Variants in CSMD1 observed in about 807,000 individuals in gnomAD.
CSMD1 encodes CUB and Sushi multiple domains 1.
Under a neutral mutation model 417.5 loss-of-function variants are expected in CSMD1, and 213 were observed. The observed-to-expected ratio is 0.51, with a 90% confidence interval of 0.46 to 0.57. The LOEUF is 0.57. CSMD1 is among the 20% of genes least tolerant of loss of function. The pLI is 0.00. For missense variants in CSMD1, 6,923 were observed against 4,529.7 expected (o/e 1.53, Z -15.17); for synonymous variants, 2,862 against 1,736.8 (o/e 1.65, Z -16.11).
chr8:4,237,457 C>T (rs1356293284), intron 3 of CSMD1, among the ~76,000 whole-genome samples: 3 of 151,942 alleles, frequency 2.0e-5, no homozygotes, highest in Non-Finnish European at 4.4e-5. Flanking sequence ...ACGGTAAGAG[C>T]TTTGAAGTGA....
intron 10 of CSMD1, among the ~76,000 whole-genome samples, chr8:3,534,042 T>C (rs555790118): frequency 3.3e-5 from 5 of 152,324 alleles, no homozygotes; most frequent in South Asian, 4.1e-4. Context: ...ATAAAAGTCA[T>C]TGCTTGAAGT....
intron 2 of CSMD1, among the ~76,000 whole-genome samples, chr8:4,505,569 A>G (rs1259462427): frequency 6.6e-6 from 1 of 152,126 alleles, no homozygotes; most frequent in Non-Finnish European, 1.5e-5. Flanking sequence ...ATGCTATTGG[A>G]ATGGATTTCT....
chr8:4,421,742 C>G (rs553180132), intron 2 of CSMD1, among the ~76,000 whole-genome samples: 37 of 151,760 alleles, frequency 2.4e-4, no homozygotes, highest in Non-Finnish European at 2.9e-4. Context: ...ACTCCCAAAT[C>G]CCTAATCCAA....
intron 17 of CSMD1, among the ~76,000 whole-genome samples, chr8:3,392,452 G>A (rs548767679): frequency 2.0e-5 from 3 of 151,996 alleles, no homozygotes; most frequent in Non-Finnish European, 2.9e-5. Context: ...GGGGTTGGTA[G>A]CATTTTTCTC....
rs567651046 is a variant in CSMD1, at chr8:4,911,970, T to A, written c.85+82362A>T. On this transcript the variant is annotated intron_variant, in intron 1 of 69. Transcript: ENST00000635120. ...TAAGCCCCACCCAGAAAGTTCAGTT[T>A]AATAATTTCTCCACAAGAAGTACGT... 7.2e-5 allele frequency among the ~76,000 whole-genome samples: 11 copies of A among 152,108 alleles called. No homozygotes were observed. In the East Asian group the frequency reaches 2.1e-3, roughly 29 times the overall value.
intron 1 of CSMD1, among the ~76,000 whole-genome samples, chr8:4,821,948 G>T (rs1253411599): frequency 2.6e-5 from 4 of 151,890 alleles, no homozygotes; most frequent in Non-Finnish European, 2.9e-5. Flanking sequence ...TAATCTAATC[G>T]AATAAAGCTT....
At chr8:4,863,171 A>T (rs538856256) in intron 1 of CSMD1, among the ~76,000 whole-genome samples, 3 of 152,112 alleles carry the variant, frequency 2.0e-5, no homozygotes, top group African/African-American at 7.3e-5. Flanking sequence ...ATGAATTGAC[A>T]AGGTGCTTCA....
At position 4,137,468 on chromosome 8, in the gene CSMD1, G is replaced by T. The variant is rs537455373; in HGVS notation, c.416-105369C>A. ...GTCAAAATAGAGAGTATTTTAAAAG[G>T]TAATTTTCACTACAGAATATAACAT... is the stretch of plus-strand genomic sequence containing the variant. On this transcript the variant is annotated intron_variant, in intron 3 of 69. Coordinates refer to ENST00000635120, the MANE Select transcript of CSMD1 (RefSeq NM_033225.6). 1.5e-5 allele frequency among the ~76,000 whole-genome samples: 2 copies of T among 131,680 alleles called. 1 individual carries two copies. Among genetic ancestry groups the T allele is most frequent in the Non-Finnish European group, 3.5e-5 (2 of 56,604 alleles). The allele number at this position is 131,680 out of a possible 152,430, so 86.4% of individuals were successfully genotyped here.
At chr8:4,714,597 G>C (rs189436072) in intron 1 of CSMD1, among the ~76,000 whole-genome samples, 5 of 151,722 alleles carry the variant, frequency 3.3e-5, no homozygotes, top group Non-Finnish European at 7.4e-5. Context: ...GAATAACACA[G>C]CTGAGATTCA....
intron 5 of CSMD1, among the ~76,000 whole-genome samples, chr8:3,934,924 G>A (rs768391130): frequency 5.9e-5 from 9 of 152,134 alleles, no homozygotes; most frequent in South Asian, 4.2e-4. Flanking sequence ...TTATAAGTAC[G>A]GGAGTAGAGG....
At chr8:3,203,315 C>G (rs536768933) in intron 31 of CSMD1, among the ~76,000 whole-genome samples, 1 of 152,264 alleles carries the variant, frequency 6.6e-6, no homozygotes, top group Admixed American at 6.5e-5. Flanking sequence ...TGGGTTCTAA[C>G]CCGTCACACA....
At chr8:4,284,309 C>G (rs530554959) in intron 3 of CSMD1, among the ~76,000 whole-genome samples, 1 of 152,056 alleles carries the variant, frequency 6.6e-6, no homozygotes, top group South Asian at 2.1e-4. Context: ...CGGAGGTTGC[C>G]GTGAGCCGAG....
intron 12 of CSMD1, among the ~76,000 whole-genome samples, chr8:3,452,575 C>T (rs1368726920): frequency 6.6e-6 from 1 of 152,160 alleles, no homozygotes. Flanking sequence ...TTGAGATAAT[C>T]ATGTGGTTTT....
chr8:3,046,575 G>A (rs1383679267), intron 50 of CSMD1, among the ~76,000 whole-genome samples: 1 of 152,158 alleles, frequency 6.6e-6, no homozygotes, highest in Non-Finnish European at 1.5e-5. Context: ...ACAGGCTGCT[G>A]GAATGGACAG....
chr8:4,618,932 A>G (rs969451894), intron 2 of CSMD1, among the ~76,000 whole-genome samples: 29 of 152,172 alleles, frequency 1.9e-4, no homozygotes, highest in African/African-American at 6.8e-4. Flanking sequence ...AAGAAACCAC[A>G]ATAACAAATC....
In CSMD1 at chr8:4,212,117, C is replaced by A. The variant is rs373907790; in HGVS notation, c.416-180018G>T. On this transcript the variant is annotated intron_variant, in intron 3 of 69. Coordinates refer to ENST00000635120, the MANE Select transcript of CSMD1 (RefSeq NM_033225.6). The stretch of plus-strand genomic sequence containing the variant: ...ACGTAAAAGTCATGATTTCAAAGAC[C>A]ATGTAGGAGAAGAAGTGTCCTTTAT... 3.0e-4 allele frequency among the ~76,000 whole-genome samples: 46 copies of A among 151,344 alleles called. No homozygotes were observed. The East Asian group carries it at 7.2e-3, about 24-fold the overall frequency.
At chr8:3,282,324 T>A (rs1802802803) in intron 26 of CSMD1, among the ~76,000 whole-genome samples, 1 of 152,082 alleles carries the variant, frequency 6.6e-6, no homozygotes, top group Admixed American at 6.6e-5. Context: ...ACGTGGGAAC[T>A]CTGTGCCTTC....
chr8:4,127,547 T>C (rs1318656690), intron 3 of CSMD1, among the ~76,000 whole-genome samples: 1 of 151,790 alleles, frequency 6.6e-6, no homozygotes, highest in Non-Finnish European at 1.5e-5. Context: ...GTTTTCCTAG[T>C]CAGTTTTCCT....
At chr8:4,235,054 A>G (rs1164211381) in intron 3 of CSMD1, among the ~76,000 whole-genome samples, 7 of 152,124 alleles carry the variant, frequency 4.6e-5, no homozygotes, top group African/African-American at 1.7e-4. Context: ...ATTTAAGGGG[A>G]CGCATTCCAT....
Sources: gnomAD v4.1 joint callset for allele counts (sites outside exome capture counted in the v4.1 genomes callset) on GRCh38, gnomAD v4.1.1 for gene constraint, MANE v1.5 for transcripts, NCBI Gene and HGNC (gene_info 2026-07-23, HGNC 2026-07-21) for gene names.